The following CFAP61 variants were observed in gnomAD, a reference collection of about 807,000 sequenced individuals.
CFAP61 encodes the protein cilia- and flagella-associated protein 61.
CFAP61 carries 107 observed loss-of-function variants against 135.6 expected under a neutral mutation model. The observed-to-expected ratio is 0.79, with a 90% confidence interval of 0.67 to 0.93. The LOEUF is 0.93. Among genes scored for constraint, CFAP61 ranks in the 40% least tolerant of loss-of-function variants. CFAP61 has a pLI of 0.00. For missense variants in CFAP61, 1,507 were observed against 1,556.2 expected, an observed-to-expected ratio of 0.97 and a Z score of 0.53; for synonymous variants, 575 against 578.5, an observed-to-expected ratio of 0.99 and a Z score of 0.09.
intron 21 of CFAP61, 74 bp from the exon 22 acceptor site, chr20:20,277,092 G>C (rs2147041946): frequency 8.4e-7 from 1 of 1,186,116 alleles, no homozygotes; most frequent in South Asian, 1.4e-5. Context: ...GGAGCAATTC[G>C]GCATTATTAG....
At chr20:20,139,344 A>G (rs1233040351) in intron 8 of CFAP61, among the ~76,000 whole-genome samples, 1 of 152,242 alleles carries the variant, frequency 6.6e-6, no homozygotes, top group East Asian at 1.9e-4. Flanking sequence ...AAGCTTTATT[A>G]GCTTCATGGT....
intron 6 of CFAP61, among the ~76,000 whole-genome samples, chr20:20,078,869 G>A (rs959398668): frequency 6.6e-6 from 1 of 152,060 alleles, no homozygotes; most frequent in Admixed American, 6.5e-5. Context: ...AACTGACCAA[G>A]AAAAAAGACA....
At chr20:20,237,931 C>T (rs1477369751) in intron 18 of CFAP61, among the ~76,000 whole-genome samples, 2 of 152,174 alleles carry the variant, frequency 1.3e-5, no homozygotes, top group East Asian at 3.8e-4. Flanking sequence ...GTGGTGTTTA[C>T]TCCAACCACT....
chr20:20,161,727 A>G (rs1165896819), intron 10 of CFAP61, among the ~76,000 whole-genome samples: 9 of 152,186 alleles, frequency 5.9e-5, no homozygotes, highest in Non-Finnish European at 5.9e-5. Context: ...TAAAATGACT[A>G]TTCTCTAGAG....
At chr20:20,085,048 A>G (rs1339656538) in intron 6 of CFAP61, 34 of 918,782 alleles carry the variant, frequency 3.7e-5, no homozygotes, top group Non-Finnish European at 4.3e-5. Context: ...AATGGAAGAT[A>G]TAAAGTAACT....
chr20:20,355,699 A>C (rs1220383522), intron 26 of CFAP61, among the ~76,000 whole-genome samples: 1 of 116,452 alleles, frequency 8.6e-6, no homozygotes, highest in Non-Finnish European at 1.7e-5. Context: ...ACACTGTGAG[A>C]GGAGGTGGTC....
intron 15 of CFAP61, among the ~76,000 whole-genome samples, chr20:20,193,824 G>T (rs1304496949): frequency 6.6e-6 from 1 of 152,158 alleles, no homozygotes; most frequent in African/African-American, 2.4e-5. Flanking sequence ...ATGTTGGCCA[G>T]TCTGGTCTTG....
intron 25 of CFAP61, among the ~76,000 whole-genome samples, chr20:20,316,583 AG>A (rs1601969403): frequency 6.6e-6 from 1 of 151,508 alleles, no homozygotes; most frequent in East Asian, 2.0e-4. Flanking sequence ...TATGTTGAAT[AG>A]GAGTGGTGAG....
rs1185716375 is a variant in CFAP61, at chr20:20,279,055, G to T, written c.2796+1597G>T. On this transcript the variant is annotated intron_variant, in intron 22 of 26. Coordinates refer to ENST00000245957, the MANE Select transcript of CFAP61 (RefSeq NM_015585.4). ...TCCCTCAAAAATGGCAAACCTGGAA[G>T]ATTGCCACGTTTATTCTGGAGCACC... Among the ~76,000 whole-genome samples the T allele has an allele frequency of 3.9e-5, 6 of 152,318 alleles. No individual in the cohort carries two copies. In the East Asian group the frequency reaches 1.2e-3, roughly 29 times the overall value.
intron 21 of CFAP61, chr20:20,265,515 A>C: frequency 1.3e-6 from 1 of 779,488 alleles, no homozygotes. Context: ...TCAAGATTTA[A>C]GACTGACTCC....
At chr20:20,305,671 C>T (rs1395101204) in intron 25 of CFAP61, among the ~76,000 whole-genome samples, 3 of 152,238 alleles carry the variant, frequency 2.0e-5, no homozygotes, top group Non-Finnish European at 2.9e-5. Context: ...CACTTCAGAT[C>T]GTGCCAGTCC....
At chr20:20,097,492 G>A (rs2047669458) in intron 7 of CFAP61, among the ~76,000 whole-genome samples, 1 of 152,196 alleles carries the variant, frequency 6.6e-6, no homozygotes, top group East Asian at 1.9e-4. Flanking sequence ...GATATATTAA[G>A]GAGTTTCAGT....
At chr20:20,319,636 T>C (rs768630846) in intron 25 of CFAP61, among the ~76,000 whole-genome samples, 6 of 152,222 alleles carry the variant, frequency 3.9e-5, no homozygotes, top group Non-Finnish European at 8.8e-5. Flanking sequence ...GCTTCCTGTA[T>C]AGCCTGTGCA....
At chr20:20,086,665 G>A (rs2046825996) in intron 6 of CFAP61, among the ~76,000 whole-genome samples, 1 of 152,078 alleles carries the variant, frequency 6.6e-6, no homozygotes, top group Admixed American at 6.6e-5. Flanking sequence ...TGGGACCCTT[G>A]GCAAGGTCTC....
chr20:20,142,527 C>T (rs964896997), intron 8 of CFAP61, among the ~76,000 whole-genome samples: 1 of 152,208 alleles, frequency 6.6e-6, no homozygotes, highest in African/African-American at 2.4e-5. Flanking sequence ...TGCCCAGGGA[C>T]TGGCAGAGGT....
At chr20:20,074,195 C>T in intron 3 of CFAP61, 107 bp from the exon 4 acceptor site, 1 of 851,152 alleles carries the variant, frequency 1.2e-6, no homozygotes, top group Non-Finnish European at 2.0e-6. Context: ...CCCTAAATGC[C>T]AGGCTGTTCT....
chr20:20,182,063 C>T (rs910927614), intron 13 of CFAP61, among the ~76,000 whole-genome samples: 4 of 152,158 alleles, frequency 2.6e-5, no homozygotes, highest in Admixed American at 2.6e-4. Flanking sequence ...ATCATTGAAG[C>T]GGACTTTGTT....
chr20:20,177,389 G>C (rs182149671), intron 13 of CFAP61, among the ~76,000 whole-genome samples: 1 of 152,120 alleles, frequency 6.6e-6, no homozygotes, highest in Non-Finnish European at 1.5e-5. Context: ...TCTGGAGATA[G>C]GCAGGGCTTT....
intron 1 of CFAP61, 36 bp downstream of exon 1, chr20:20,052,627 G>T (rs759281207): frequency 1.2e-6 from 2 of 1,613,650 alleles, no homozygotes; most frequent in South Asian, 1.1e-5. Flanking sequence ...GCGACGCAAG[G>T]ACTGCGGTGC....
Sources: allele counts gnomAD v4.1 joint callset (sites outside exome capture counted in the v4.1 genomes callset), GRCh38; gene constraint gnomAD v4.1.1; transcripts MANE v1.5; gene names NCBI Gene and HGNC (gene_info 2026-07-23, HGNC 2026-07-21).